ANKFN1: variants seen among roughly 807,000 people sequenced by gnomAD.
The protein encoded by ANKFN1 is ankyrin repeat and fibronectin type-III domain-containing protein 1.
In ANKFN1, 74 loss-of-function variants were observed where a neutral mutation model predicts 108.7. That is an observed-to-expected ratio of 0.68 (90% CI 0.56 to 0.83). The LOEUF is 0.83. Among genes scored for constraint, ANKFN1 ranks in the 40% least tolerant of loss-of-function variants. ANKFN1 has a pLI of 0.00. For missense variants in ANKFN1, 1,505 were observed against 1,382.3 expected, an observed-to-expected ratio of 1.09 and a Z score of -1.41; for synonymous variants, 547 against 516.2, an observed-to-expected ratio of 1.06 and a Z score of -0.81.
chr17:56,407,451 C>T (rs1033200933), intron 8 of ANKFN1, among the ~76,000 whole-genome samples: 1 of 152,158 alleles, frequency 6.6e-6, no homozygotes, highest in African/African-American at 2.4e-5. Context: ...TTGCCCAAGT[C>T]TAACAATTAG....
chr17:56,326,308 A>G lies in ANKFN1; in HGVS notation c.141A>G (p.Gly47=), dbSNP rs376549751. 1.1e-5 allele frequency: 18 copies of G among 1,613,904 alleles called. No individual in the cohort carries two copies. The African/African-American group carries it at 2.1e-4, about 19-fold the overall frequency. ...SQCDLLNEST[G]QLPTTCSSAA... is the part of the protein sequence containing the mutation. Reference sequence around the variant, plus strand: ...GTGATTTATTGAATGAAAGCACTGGACAATTACCAACAACTTGTTCCTCTG... The same window carrying G: ...GTGATTTATTGAATGAAAGCACTGGGCAATTACCAACAACTTGTTCCTCTG... Residue 47 remains glycine, a synonymous_variant, in exon 4 of 21, where the codon GGA becomes GGG. Transcript: ENST00000682825.
intron 4 of ANKFN1, among the ~76,000 whole-genome samples, chr17:56,138,078 A>G (rs758376410): frequency 6.6e-6 from 1 of 152,236 alleles, no homozygotes; most frequent in Non-Finnish European, 1.5e-5. Flanking sequence ...CAAGGCTTCA[A>G]GAAATTCAGA....
intron 3 of ANKFN1, among the ~76,000 whole-genome samples, chr17:56,322,073 A>G (rs906243442): frequency 2.6e-5 from 4 of 152,170 alleles, no homozygotes; most frequent in Non-Finnish European, 4.4e-5. Context: ...AAAGCATTCT[A>G]TGAATGTCTA....
chr17:56,320,141 A>G (rs942572359), intron 3 of ANKFN1, among the ~76,000 whole-genome samples: 1 of 152,186 alleles, frequency 6.6e-6, no homozygotes, highest in Non-Finnish European at 1.5e-5. Flanking sequence ...ATTGCATGGC[A>G]CATAGAAGGT....
intron 4 of ANKFN1, among the ~76,000 whole-genome samples, chr17:56,141,736 C>A (rs1405830276): frequency 6.6e-6 from 1 of 152,024 alleles, no homozygotes; most frequent in Non-Finnish European, 1.5e-5. Context: ...AATTTCCACA[C>A]AAATCCTCAC....
At chr17:56,317,263 G>A (rs1202825513) in intron 3 of ANKFN1, among the ~76,000 whole-genome samples, 2 of 152,140 alleles carry the variant, frequency 1.3e-5, no homozygotes, top group Non-Finnish European at 2.9e-5. Context: ...AAAAAAGCCA[G>A]AAGAACCTTC....
At position 56,195,113 on chromosome 17, in the gene ANKFN1, A is replaced by G. The variant is rs530880950; in HGVS notation, c.-70-17485A>G. 1.4e-4 allele frequency among the ~76,000 whole-genome samples: 22 copies of G among 152,308 alleles called. 1 individual carries two copies. Among genetic ancestry groups the G allele is most frequent in the East Asian group, 1.2e-3 (6 of 5,180 alleles). On this transcript the variant is annotated intron_variant, in intron 1 of 20. Coordinates refer to ENST00000682825, the MANE Select transcript of ANKFN1 (RefSeq NM_001370326.1). ...ATGAATATTTGATCAACCTATTTGA[A>G]CAGTTCACCCTAAGAGCATTAATAT... is the stretch of plus-strand genomic sequence containing the variant.
At chr17:56,138,508 TTTTC>T (rs1412154510) in intron 4 of ANKFN1, among the ~76,000 whole-genome samples, 52 of 135,684 alleles carry the variant, frequency 3.8e-4, no homozygotes, top group African/African-American at 2.7e-5. Flanking sequence ...TTTTTTTTTC[TTTTC>T]TTTTTTTTTT....
intron 3 of ANKFN1, among the ~76,000 whole-genome samples, chr17:56,307,462 A>C (rs2144410125): frequency 6.6e-6 from 1 of 152,372 alleles, no homozygotes; most frequent in East Asian, 1.9e-4. Context: ...ATGCAGCCAA[A>C]AGACACATGA....
At chr17:56,337,979 A>G (rs1246438448) in intron 4 of ANKFN1, among the ~76,000 whole-genome samples, 1 of 152,158 alleles carries the variant, frequency 6.6e-6, no homozygotes, top group South Asian at 2.1e-4. Context: ...ATTATAAATC[A>G]TGCTATATAA....
intron 6 of ANKFN1, chr17:56,368,297 T>TTTTTTTTTTTTTTTTTTTTA (rs1598470005): frequency 6.1e-6 from 3 of 492,544 alleles, no homozygotes; most frequent in Non-Finnish European, 5.7e-6. Context: ...TTTTTTTTTT[T>TTTTTTTTTTTTTTTTTTTTA]GAGAAGGAGT....
intron 3 of ANKFN1, among the ~76,000 whole-genome samples, chr17:56,295,282 A>T (rs1330175963): frequency 6.6e-6 from 1 of 152,242 alleles, no homozygotes; most frequent in Admixed American, 6.5e-5. Context: ...TGCAGTATGA[A>T]TTCAAGGAAG....
chr17:56,380,122 T>A lies in ANKFN1; in HGVS notation c.910+5408T>A, dbSNP rs561440934. Among the ~76,000 whole-genome samples, 170 of 152,370 alleles carry A rather than the reference T, an allele frequency of 1.1e-3. 1 individual carries two copies. Among genetic ancestry groups the A allele is most frequent in the Non-Finnish European group, 1.9e-3 (126 of 68,036 alleles). Reference sequence around the variant, plus strand: ...GAGCTGTCTTCCTAATCAGGCTGAATTGTGTGTATTCAGAACAGTCTAATT... The same window carrying A: ...GAGCTGTCTTCCTAATCAGGCTGAAATGTGTGTATTCAGAACAGTCTAATT... On this transcript the variant is annotated intron_variant, in intron 8 of 20. Coordinates refer to ENST00000682825, the MANE Select transcript of ANKFN1 (RefSeq NM_001370326.1).
In ANKFN1 at chr17:56,373,917, A is replaced by G. The variant is rs1288680401; in HGVS notation, c.797-684A>G. 3.3e-5 allele frequency among the ~76,000 whole-genome samples: 5 copies of G among 152,240 alleles called. No homozygotes were observed. In the East Asian group the frequency reaches 9.6e-4, roughly 29 times the overall value. On this transcript the variant is annotated intron_variant, in intron 7 of 20. Coordinates refer to ENST00000682825, the MANE Select transcript of ANKFN1 (RefSeq NM_001370326.1). Reference sequence around the variant, plus strand: ...AATTATAAAACACCTTCTACGTGTTAAGCAATACTAAAAGCCATCAGGAGT... The same window carrying G: ...AATTATAAAACACCTTCTACGTGTTGAGCAATACTAAAAGCCATCAGGAGT...
chr17:56,121,520 G>A (rs982436847), intron 4 of ANKFN1, among the ~76,000 whole-genome samples: 1 of 151,834 alleles, frequency 6.6e-6, no homozygotes, highest in Non-Finnish European at 1.5e-5. Context: ...TTCATTATAC[G>A]GGGACTTTTG....
intron 4 of ANKFN1, among the ~76,000 whole-genome samples, chr17:56,092,476 G>T (rs1481210978): frequency 6.6e-6 from 1 of 150,656 alleles, no homozygotes; most frequent in Non-Finnish European, 1.5e-5. Flanking sequence ...GGTTTTCACT[G>T]TGTTAGCCAG....
intron 1 of ANKFN1, among the ~76,000 whole-genome samples, chr17:56,178,874 T>C (rs1401736888): frequency 1.3e-5 from 2 of 152,198 alleles, no homozygotes; most frequent in African/African-American, 4.8e-5. Context: ...ATAGGATAAA[T>C]GTCCCTTAAA....
upstream of ANKFN1, among the ~76,000 whole-genome samples, chr17:56,149,841 C>T (rs1908489866): frequency 6.6e-6 from 1 of 152,384 alleles, no homozygotes; most frequent in East Asian, 1.9e-4. Context: ...CCCAGCCTCC[C>T]TGCAGGAGGA....
chr17:56,485,714 AC>A (rs1438884872), intron 18 of ANKFN1, among the ~76,000 whole-genome samples: 1 of 152,222 alleles, frequency 6.6e-6, no homozygotes, highest in Non-Finnish European at 1.5e-5. Flanking sequence ...TTTGACGATG[AC>A]TAGAGCAATG....
Sources: allele counts gnomAD v4.1 joint callset (sites outside exome capture counted in the v4.1 genomes callset), GRCh38; gene constraint gnomAD v4.1.1; transcripts MANE v1.5; gene names NCBI Gene and HGNC (gene_info 2026-07-23, HGNC 2026-07-21).